The following PTBP2 variants were observed in gnomAD, a reference collection of about 807,000 sequenced individuals.
PTBP2 encodes the protein polypyrimidine tract binding protein 2.
A neutral mutation model predicts 61.4 loss-of-function variants in PTBP2; 13 were observed. The ratio of observed to expected loss-of-function variants is 0.21; its 90% CI spans 0.14 to 0.34. The LOEUF is 0.34. PTBP2 is among the 10% of genes least tolerant of loss of function. The probability of loss-of-function intolerance (pLI) is 1.00; values close to 1 mark genes in which losing one functional copy is unlikely to be tolerated. For synonymous variants in PTBP2, 215 were observed against 218.5 expected (o/e 0.98, Z 0.14); for missense variants, 405 against 642.6 (o/e 0.63, Z 4.00).
downstream of PTBP2, chr1:96,818,735 T>C (rs1662572240): frequency 6.6e-6 from 1 of 152,120 alleles, no homozygotes; most frequent in African/African-American, 2.4e-5. Context: ...AATTATTTCA[T>C]TAGTAATTTT....
chr1:96,734,912 T>C (rs1220213249), intron 2 of PTBP2, among the ~76,000 whole-genome samples: 2 of 150,072 alleles, frequency 1.3e-5, no homozygotes, highest in East Asian at 3.9e-4. Context: ...TCTTTTTTTT[T>C]TTTTTTTTTT....
At chr1:96,751,591 C>CT in intron 3 of PTBP2, 91 bp downstream of exon 3, 2 of 944,994 alleles carry the variant, frequency 2.1e-6, no homozygotes, top group Non-Finnish European at 1.6e-6. Context: ...CCAGGAAAGC[C>CT]TTTCTTTTTA....
In PTBP2 at chr1:96,788,819, T is replaced by G. The variant is rs145511203; in HGVS notation, c.904+3565T>G. On this transcript the variant is annotated intron_variant, in intron 8 of 13. Transcript: ENST00000674951. ...CACAGTAATTTTTTAAGACTAACAT[T>G]TATGTCTGGCTTTTCTGTTTCCTTT... Among the ~76,000 whole-genome samples the G allele has an allele frequency of 1.2e-3, 185 of 152,178 alleles. No individual in the cohort carries two copies. The Middle Eastern group carries it at 0.014, about 11-fold the overall frequency.
intron 3 of PTBP2, among the ~76,000 whole-genome samples, chr1:96,760,404 C>T (rs1655669639): frequency 6.8e-6 from 1 of 147,798 alleles, no homozygotes; most frequent in Non-Finnish European, 1.5e-5. Context: ...TCTTTAATTA[C>T]TGCTGAGTAT....
intron 5 of PTBP2, among the ~76,000 whole-genome samples, chr1:96,772,610 ACT>A (rs1444533529): frequency 6.6e-6 from 1 of 151,320 alleles, no homozygotes. Context: ...CTATTTTTCT[ACT>A]CTCTACTAAT....
chr1:96,778,969 T>G, intron 7 of PTBP2, among the ~76,000 whole-genome samples: 1 of 152,222 alleles, frequency 6.6e-6, no homozygotes, highest in South Asian at 2.1e-4. Flanking sequence ...TGACCACTAC[T>G]CTATATTGTC....
At chr1:96,760,904 T>C (rs545116476) in intron 3 of PTBP2, among the ~76,000 whole-genome samples, 1 of 152,168 alleles carries the variant, frequency 6.6e-6, no homozygotes, top group Non-Finnish European at 1.5e-5. Context: ...AACCCAAATG[T>C]TTATCAACAG....
intron 8 of PTBP2, among the ~76,000 whole-genome samples, chr1:96,793,316 A>G (rs1206176763): frequency 6.6e-6 from 1 of 152,158 alleles, no homozygotes; most frequent in Non-Finnish European, 1.5e-5. Flanking sequence ...TTTGGAAAAA[A>G]CATTGGAAGA....
At chr1:96,777,510 A>G (rs1476210321) in intron 5 of PTBP2, 75 bp from the exon 6 acceptor site, 2 of 1,310,208 alleles carry the variant, frequency 1.5e-6, no homozygotes, top group Non-Finnish European at 2.1e-6. Context: ...AACAAAGTGA[A>G]CTAGTAGTGT....
chr1:96,811,263 A>G (rs1384115079), intron 11 of PTBP2, among the ~76,000 whole-genome samples: 2 of 152,180 alleles, frequency 1.3e-5, no homozygotes. Flanking sequence ...AAGTATGATT[A>G]GATTCATGGA....
At chr1:96,809,219 C>G (rs1403393733) in intron 11 of PTBP2, among the ~76,000 whole-genome samples, 1 of 152,026 alleles carries the variant, frequency 6.6e-6, no homozygotes, top group Non-Finnish European at 1.5e-5. Flanking sequence ...ACATGTCAAA[C>G]TGACCAAAAA....
intron 2 of PTBP2, among the ~76,000 whole-genome samples, chr1:96,728,582 T>C (rs1380053339): frequency 6.6e-6 from 1 of 152,198 alleles, no homozygotes; most frequent in Non-Finnish European, 1.5e-5. Context: ...TCTTAATCAT[T>C]GTAGCTTTAT....
At chr1:96,775,814 A>G (rs566304526) in intron 5 of PTBP2, among the ~76,000 whole-genome samples, 1 of 152,252 alleles carries the variant, frequency 6.6e-6, no homozygotes, top group South Asian at 2.1e-4. Flanking sequence ...AAAGAAATGT[A>G]TGAAGTAATT....
Position 96,806,419 on chromosome 1 carries a change from A to G in PTBP2, c.1045A>G (p.Met349Val). Residue 349 changes from methionine (M) to valine (V), a missense_variant and splice_region_variant, in exon 10 of 14, where the codon ATG becomes GTG. Coordinates refer to ENST00000674951, the MANE Select transcript of PTBP2 (RefSeq NM_021190.4). Reference protein sequence around the residue: ...VLLVSNLNEEMVTPQSLFTLF... With the variant: ...VLLVSNLNEEVVTPQSLFTLF... ...TGCTTGCTCTTCTCTCCTTCTAAAGATGGTTACGCCCCAAAGTCTGTTTAC... is the reference window on the plus strand; with the variant it reads ...TGCTTGCTCTTCTCTCCTTCTAAAGGTGGTTACGCCCCAAAGTCTGTTTAC... The G allele has an allele frequency of 6.3e-7, 1 of 1,592,380 alleles. No individual in the cohort carries two copies. The highest frequency in any genetic ancestry group is 1.1e-5 in the South Asian group (1 of 90,626).
chr1:96,762,401 C>A (rs1656023549), intron 3 of PTBP2, among the ~76,000 whole-genome samples: 1 of 148,058 alleles, frequency 6.8e-6, no homozygotes, highest in African/African-American at 2.5e-5. Context: ...GGGGGCTGAC[C>A]CCCCCACCTC....
intron 3 of PTBP2, among the ~76,000 whole-genome samples, chr1:96,763,031 A>C (rs1204770898): frequency 7.5e-6 from 1 of 133,342 alleles, no homozygotes; most frequent in African/African-American, 2.9e-5. Context: ...GGCGGCCGGG[A>C]AGAGGCGCTC....
At chr1:96,771,248 T>C (rs1251267961) in intron 5 of PTBP2, 1 of 155,132 alleles carries the variant, frequency 6.4e-6, no homozygotes, top group Non-Finnish European at 1.4e-5. Context: ...ATGGTTTTCC[T>C]GGAAAAGAAA....
At chr1:96,739,438 C>T (rs1157499604) in intron 2 of PTBP2, among the ~76,000 whole-genome samples, 2 of 152,050 alleles carry the variant, frequency 1.3e-5, no homozygotes, top group African/African-American at 2.4e-5. Context: ...AACTGAAACT[C>T]TATACTGATT....
At chr1:96,722,838 G>T (rs7552545) in intron 1 of PTBP2, among the ~76,000 whole-genome samples, 88,066 of 152,008 alleles carry the variant, frequency 0.58, 26,152 homozygotes, top group African/African-American at 0.71. Context: ...CCGATGTCTC[G>T]CTCATATGCT....
Sources: gnomAD v4.1 joint callset for allele counts (sites outside exome capture counted in the v4.1 genomes callset) on GRCh38, gnomAD v4.1.1 for gene constraint, MANE v1.5 for transcripts, NCBI Gene and HGNC (gene_info 2026-07-23, HGNC 2026-07-21) for gene names.